MAPK10: variants seen among roughly 807,000 people sequenced by gnomAD.
MAPK10 encodes the protein JNK3 alpha protein kinase.
A neutral mutation model predicts 59.3 loss-of-function variants in MAPK10; 25 were observed. The ratio of observed to expected loss-of-function variants is 0.42; its 90% CI spans 0.31 to 0.59. MAPK10 has a LOEUF of 0.59. Ranked by LOEUF, MAPK10 falls within the 20% of genes least tolerant of loss-of-function variation. The pLI, the probability that MAPK10 is intolerant of heterozygous loss-of-function variation, is 0.15. For synonymous variants in MAPK10, 190 were observed against 200.5 expected (o/e 0.95, Z 0.44); for missense variants, 351 against 568.9 (o/e 0.62, Z 3.90).
At chr4:86,290,011 G>C (rs946352834) in intron 2 of MAPK10, among the ~76,000 whole-genome samples, 1 of 152,168 alleles carries the variant, frequency 6.6e-6, no homozygotes, top group African/African-American at 2.4e-5. Flanking sequence ...ATGAGTATTT[G>C]ACTGTGTAGA....
At chr4:86,208,552 A>C (rs2149347802) in intron 2 of MAPK10, among the ~76,000 whole-genome samples, 1 of 151,952 alleles carries the variant, frequency 6.6e-6, no homozygotes, top group East Asian at 1.9e-4. Flanking sequence ...CTTCATGCTA[A>C]AAACTCTCAA....
At chr4:86,368,857 G>A (rs1738319777) in intron 1 of MAPK10, among the ~76,000 whole-genome samples, 1 of 148,048 alleles carries the variant, frequency 6.8e-6, no homozygotes, top group South Asian at 2.3e-4. Context: ...TAATATCAAA[G>A]AAGATTAAGC....
intron 2 of MAPK10, among the ~76,000 whole-genome samples, chr4:86,259,695 T>C (rs2093907394): frequency 3.3e-5 from 5 of 152,224 alleles, no homozygotes; most frequent in South Asian, 2.1e-4. Flanking sequence ...AGTGACTTGG[T>C]ACACTGAATT....
chr4:86,590,118 C>A (rs1365950475), intron 1 of MAPK10, among the ~76,000 whole-genome samples: 1 of 151,980 alleles, frequency 6.6e-6, no homozygotes, highest in African/African-American at 2.4e-5. Flanking sequence ...CTAGGCTCAT[C>A]TAAAGCATCT....
At chr4:86,366,090 T>C (rs879347148) in intron 1 of MAPK10, among the ~76,000 whole-genome samples, 1 of 152,122 alleles carries the variant, frequency 6.6e-6, no homozygotes, top group Non-Finnish European at 1.5e-5. Context: ...TACTGAAACA[T>C]GCAACAATAC....
At chr4:86,431,087 A>G (rs1747982500) in intron 1 of MAPK10, among the ~76,000 whole-genome samples, 1 of 152,056 alleles carries the variant, frequency 6.6e-6, no homozygotes, top group African/African-American at 2.4e-5. Context: ...AGAGAGAGGA[A>G]GAGAGGAAAG....
intron 1 of MAPK10, among the ~76,000 whole-genome samples, chr4:86,432,204 TC>T (rs1021711123): frequency 2.6e-5 from 4 of 152,268 alleles, no homozygotes; most frequent in African/African-American, 9.6e-5. Context: ...TTTTCTGGGG[TC>T]CCCTGGGCCA....
chr4:86,179,973 C>CAAAA (rs527802012), intron 3 of MAPK10, among the ~76,000 whole-genome samples: 2 of 149,346 alleles, frequency 1.3e-5, no homozygotes, highest in African/African-American at 4.9e-5. Context: ...GGCAACAAAA[C>CAAAA]AAAAAAAAAT....
At chr4:86,221,863 G>C (rs1157285553) in intron 2 of MAPK10, among the ~76,000 whole-genome samples, 1 of 152,096 alleles carries the variant, frequency 6.6e-6, no homozygotes, top group Non-Finnish European at 1.5e-5. Context: ...TGGAACATGG[G>C]GGTGGAATTC....
At chr4:86,031,735 C>G (rs1253098918) in intron 11 of MAPK10, 1 of 249,858 alleles carries the variant, frequency 4.0e-6, no homozygotes, top group African/African-American at 2.3e-5. Flanking sequence ...AATGACTGGT[C>G]TTTTAAAAAA....
At position 86,416,639 on chromosome 4, in the gene MAPK10, G is replaced by C. The variant is rs1745894950; in HGVS notation, c.-122+36391C>G. Among the ~76,000 whole-genome samples, 4 of 152,268 alleles carry C rather than the reference G, an allele frequency of 2.6e-5. No individual in the cohort carries two copies. In the South Asian group the frequency reaches 8.3e-4, roughly 32 times the overall value. Reference sequence around the variant, plus strand: ...GCATATTTTAAGAGGAGCAAGACCTGGTACATGAAGCTACCTCAGTGTGCA... The same window carrying C: ...GCATATTTTAAGAGGAGCAAGACCTCGTACATGAAGCTACCTCAGTGTGCA... On this transcript the variant is annotated intron_variant, in intron 1 of 13. Transcript: ENST00000361569.
chr4:86,165,871 A>G (rs1313464260), intron 3 of MAPK10, among the ~76,000 whole-genome samples: 2 of 152,026 alleles, frequency 1.3e-5, no homozygotes, highest in Non-Finnish European at 2.9e-5. Context: ...GTTGGCCTAG[A>G]GATGGTTATT....
chr4:86,359,286 C>CTGTGTG (rs1260423766), intron 1 of MAPK10, among the ~76,000 whole-genome samples: 15 of 118,106 alleles, frequency 1.3e-4, no homozygotes, highest in African/African-American at 5.2e-4. Context: ...CTCTCTCTCT[C>CTGTGTG]TCTGTGTGTG....
chr4:86,498,407 T>G (rs1279378032), intron 1 of MAPK10, among the ~76,000 whole-genome samples: 1 of 152,220 alleles, frequency 6.6e-6, no homozygotes, highest in African/African-American at 2.4e-5. Context: ...TCTAGTTATA[T>G]GCCAAACACA....
In MAPK10 at chr4:86,341,184, T is replaced by G. The variant is rs537424009; in HGVS notation, c.-7+13346A>C. 1.8e-4 allele frequency among the ~76,000 whole-genome samples: 28 copies of G among 152,288 alleles called. No homozygotes were observed. The South Asian group carries it at 5.8e-3, about 32-fold the overall frequency. On this transcript the variant is annotated intron_variant, in intron 2 of 13. Coordinates refer to ENST00000641462, the MANE Select transcript of MAPK10 (RefSeq NM_138982.4). ...TACTAATGGATAACAATTGATAAGG[T>G]GTGAAACAGGATCACACACTAGCCC...
At chr4:86,460,534 AGGCCCCCAAATCTGGCCATAAACT>A (rs1430182471) in intron 1 of MAPK10, among the ~76,000 whole-genome samples, 5 of 152,250 alleles carry the variant, frequency 3.3e-5, no homozygotes, top group African/African-American at 1.2e-4. Flanking sequence ...TGCTGGGAAC[AGGCCCCCAAATCTGGCCATAAACT>A]GGCCCCAAAA....
chr4:86,222,380 T>C (rs2148644529), intron 2 of MAPK10, among the ~76,000 whole-genome samples: 1 of 152,272 alleles, frequency 6.6e-6, no homozygotes, highest in Admixed American at 6.5e-5. Context: ...TTCCTAAAAA[T>C]GGCCCTCTGC....
chr4:86,261,581 G>A (rs2093982554), intron 2 of MAPK10, among the ~76,000 whole-genome samples: 1 of 152,154 alleles, frequency 6.6e-6, no homozygotes, highest in Non-Finnish European at 1.5e-5. Flanking sequence ...TGTCAAATAT[G>A]CTAATAGGCA....
intron 1 of MAPK10, among the ~76,000 whole-genome samples, chr4:86,443,132 G>A (rs1749609436): frequency 6.6e-6 from 1 of 151,984 alleles, no homozygotes; most frequent in Non-Finnish European, 1.5e-5. Flanking sequence ...GAATAGATAA[G>A]TTTTTGTGTT....
Sources: allele counts gnomAD v4.1 joint callset (sites outside exome capture counted in the v4.1 genomes callset), GRCh38; gene constraint gnomAD v4.1.1; transcripts MANE v1.5; gene names NCBI Gene and HGNC (gene_info 2026-07-23, HGNC 2026-07-21).